Variants in SLC41A3 observed in about 807,000 individuals in gnomAD.
SLC41A3 encodes the protein solute carrier family 41 member 3, also known as SLC41A1-like 2.
SLC41A3 carries 44 observed loss-of-function variants against 45.4 expected under a neutral mutation model. The observed-to-expected ratio is 0.97, with a 90% CI of 0.76 to 1.25. The LOEUF (loss-of-function observed/expected upper bound fraction) is 1.25, where lower values mean the gene tolerates loss of function less well. Ranked by LOEUF, SLC41A3 falls within the 50% of genes most tolerant of loss-of-function variation. The pLI is 0.00. For synonymous variants in SLC41A3, 256 were observed against 252.4 expected (o/e 1.01, Z -0.13); for missense variants, 550 against 600.6 (o/e 0.92, Z 0.88).
chr3:126,097,067 TAA>T (rs1945618200), intron 1 of SLC41A3, among the ~76,000 whole-genome samples: 1 of 152,234 alleles, frequency 6.6e-6, no homozygotes, highest in Non-Finnish European at 1.5e-5. Context: ...ACGTGAAGGC[TAA>T]AGAGAGAAGG....
At chr3:126,031,486 C>T (rs1941792005) in intron 4 of SLC41A3, among the ~76,000 whole-genome samples, 1 of 152,148 alleles carries the variant, frequency 6.6e-6, no homozygotes, top group African/African-American at 2.4e-5. Flanking sequence ...CCCAGGGGAC[C>T]GGCTCTTAGT....
chr3:126,067,062 TGTCACTGG>T (rs1476410693), intron 2 of SLC41A3, among the ~76,000 whole-genome samples: 36 of 151,342 alleles, frequency 2.4e-4, no homozygotes, highest in Non-Finnish European at 4.1e-4. Flanking sequence ...ATGTCTCATC[TGTCACTGG>T]GTCAGGGTCT....
At chr3:126,061,883 G>A (rs1355008968) in intron 2 of SLC41A3, among the ~76,000 whole-genome samples, 7 of 152,148 alleles carry the variant, frequency 4.6e-5, no homozygotes, top group African/African-American at 1.7e-4. Flanking sequence ...CCACCCTAAA[G>A]GGTTATTTTC....
intron 1 of SLC41A3, among the ~76,000 whole-genome samples, chr3:126,075,076 C>T (rs1944814003): frequency 6.6e-6 from 1 of 152,008 alleles, no homozygotes; most frequent in Non-Finnish European, 1.5e-5. Context: ...TCCTGAGCAG[C>T]TGGGACTGCA....
At chr3:126,051,468 A>C (rs1341001232) in intron 2 of SLC41A3, among the ~76,000 whole-genome samples, 2 of 152,178 alleles carry the variant, frequency 1.3e-5, no homozygotes, top group Non-Finnish European at 2.9e-5. Flanking sequence ...CGATCTTCAC[A>C]CAGGCCATGC....
chr3:126,047,376 G>A (rs75586167), intron 3 of SLC41A3, among the ~76,000 whole-genome samples: 1 of 152,002 alleles, frequency 6.6e-6, no homozygotes, highest in African/African-American at 2.4e-5. Flanking sequence ...AAACAAACAA[G>A]AACTAAATGC....
chr3:126,059,263 GAAGA>G (rs1553740748), intron 2 of SLC41A3, among the ~76,000 whole-genome samples: 18 of 11,742 alleles, frequency 1.5e-3, no homozygotes, highest in African/African-American at 6.9e-3. Flanking sequence ...AAGAAAGAAA[GAAGA>G]AAGAAAGAAA....
intron 1 of SLC41A3, among the ~76,000 whole-genome samples, chr3:126,078,708 A>T (rs574661911): frequency 6.6e-6 from 1 of 152,302 alleles, no homozygotes; most frequent in South Asian, 2.1e-4. Flanking sequence ...AGAGAATTAA[A>T]AGAGCACCAG....
chr3:126,016,579 G>A (rs1940305338), intron 7 of SLC41A3, 152 bp downstream of exon 7: 9 of 1,005,768 alleles, frequency 8.9e-6, no homozygotes, highest in Non-Finnish European at 1.3e-5. Flanking sequence ...AGGAAAAAAG[G>A]TATGATTCAA....
intron 1 of SLC41A3, among the ~76,000 whole-genome samples, chr3:126,083,453 G>T (rs1945266594): frequency 6.6e-6 from 1 of 152,200 alleles, no homozygotes; most frequent in Admixed American, 6.5e-5. Context: ...TATCCCACCG[G>T]CTCTCCTGGA....
intron 2 of SLC41A3, chr3:126,056,411 G>C (rs1345153067): frequency 6.2e-7 from 1 of 1,614,204 alleles, no homozygotes; most frequent in Non-Finnish European, 8.5e-7. Context: ...CCGGACAGCA[G>C]AATGGGCACC....
intron 4 of SLC41A3, among the ~76,000 whole-genome samples, chr3:126,028,362 G>A (rs1459388217): frequency 6.6e-6 from 1 of 152,190 alleles, no homozygotes; most frequent in East Asian, 1.9e-4. Context: ...GGCTCAAAAG[G>A]GCCCAGATAT....
chr3:126,041,845 G>C (rs1049533879), intron 3 of SLC41A3, among the ~76,000 whole-genome samples: 2 of 145,746 alleles, frequency 1.4e-5, no homozygotes. Flanking sequence ...AAATAGCTTT[G>C]AGGCAGCTCA....
intron 2 of SLC41A3, chr3:126,056,259 G>T: frequency 6.8e-7 from 1 of 1,469,602 alleles, no homozygotes; most frequent in Non-Finnish European, 9.3e-7. Flanking sequence ...CCCTCCCACT[G>T]TAGAGGCCCC....
Position 126,026,401 on chromosome 3 carries a change from C to T in SLC41A3, c.532G>A (p.Val178Ile), listed in dbSNP as rs1168347150. 1 of 1,591,930 alleles carries T rather than the reference C, an allele frequency of 6.3e-7. No individual in the cohort carries two copies. The highest frequency in any genetic ancestry group is 1.1e-5 in the South Asian group (1 of 87,444). ...GCACACAGCAACTCCACCTTGGCGA[C>T]ATCCACTTCCTCTCGAGACACCACG... is the stretch of plus-strand genomic sequence containing the variant. ...LGVVSREEVD[V>I]AKVELLCASS... Residue 178 changes from valine (V) to isoleucine (I), a missense_variant, in exon 5 of 11, where the codon GTC becomes ATC. Coordinates refer to ENST00000360370, the MANE Select transcript of SLC41A3 (RefSeq NM_017836.4). This position sits in a 1 kb window ranked among gnomAD's most constrained non-coding sequence, Gnocchi z 4.2.
intron 5 of SLC41A3, chr3:126,024,048 G>C (rs1473367723): frequency 6.6e-6 from 1 of 152,168 alleles, no homozygotes; most frequent in Non-Finnish European, 1.5e-5. Flanking sequence ...TCAGTGAGCT[G>C]GGGACAATCT....
rs762561076 is a variant in SLC41A3, at chr3:126,051,049, T to C, written c.275A>G (p.His92Arg). 9 of 1,600,012 alleles carry C rather than the reference T, an allele frequency of 5.6e-6. No individual in the cohort carries two copies. In the African/African-American group the frequency reaches 9.4e-5, roughly 17 times the overall value. ...WAGMLLDYFQ[H>R]WPVFVEVKDL... Reference sequence around the variant, plus strand: ...TTTCACCTCCACAAACACAGGCCAGTGCTGGTAGGGAAACAGTAAGGAGAT... The same window carrying C: ...TTTCACCTCCACAAACACAGGCCAGCGCTGGTAGGGAAACAGTAAGGAGAT... Residue 92 changes from histidine to arginine, a missense_variant and splice_region_variant, in exon 3 of 11, where the codon CAC becomes CGC. Physicochemically the swap from His to Arg is conservative, Grantham distance 29. Coordinates refer to ENST00000360370, the MANE Select transcript of SLC41A3 (RefSeq NM_017836.4).
upstream of SLC41A3, among the ~76,000 whole-genome samples, chr3:126,088,338 A>C (rs62263497): frequency 0.075 from 11,387 of 152,186 alleles, 498 homozygotes; most frequent in African/African-American, 0.11. Context: ...TTTAATTCAC[A>C]TGATCTTGGT....
rs370335795 is a variant in SLC41A3 at position 126,056,795 on chromosome 3, G to T, written c.274-5745C>A. The T allele has an allele frequency of 3.0e-6, 4 of 1,328,974 alleles. No individual in the cohort carries two copies. In the African/African-American group the frequency reaches 4.4e-5, roughly 15 times the overall value. The allele number at this position is 1,328,974 out of a possible 1,614,324, so 82.3% of individuals were successfully genotyped here. On this transcript the variant is annotated intron_variant, in intron 2 of 10. Transcript: ENST00000360370. The stretch of plus-strand genomic sequence containing the variant: ...CGGCCTCATTACAGAGACTCTGCCA[G>T]GCCCTGCTGTCCCTCCCTGAAGGTC...
Sources: allele counts gnomAD v4.1 joint callset (sites outside exome capture counted in the v4.1 genomes callset), GRCh38; gene constraint gnomAD v4.1.1; non-coding constraint Gnocchi (gnomAD v3.1); transcripts MANE v1.5; gene names NCBI Gene and HGNC (gene_info 2026-07-23, HGNC 2026-07-21).